The following RPP30 variants were observed in gnomAD, a reference collection of about 807,000 sequenced individuals.
RPP30 encodes the protein ribonuclease P/MRP subunit p30, also known as ribonuclease P protein subunit p30.
In RPP30, 36 loss-of-function variants were observed where a neutral mutation model predicts 38.6. The observed-to-expected ratio is 0.93, with a 90% CI of 0.71 to 1.23. The LOEUF (loss-of-function observed/expected upper bound fraction) is 1.23, where lower values mean the gene tolerates loss of function less well. Ranked by LOEUF, RPP30 falls within the 50% of genes most tolerant of loss-of-function variation. The pLI, the probability that RPP30 is intolerant of heterozygous loss-of-function variation, is 0.00. For missense variants in RPP30, 321 were observed against 321.7 expected, an observed-to-expected ratio of 1.00 and a Z score of 0.02; for synonymous variants, 126 against 112.7, an observed-to-expected ratio of 1.12 and a Z score of -0.75.
chr10:90,895,095 G>A, intron 7 of RPP30: 1 of 612,952 alleles, frequency 1.6e-6, no homozygotes, highest in South Asian at 1.6e-5. Flanking sequence ...AAAAAGATGT[G>A]TTGGAAGCCA....
In RPP30 at chr10:90,874,852, C is replaced by G; in HGVS notation, c.83-17C>G. The G allele has an allele frequency of 6.3e-7, 1 of 1,581,658 alleles. No homozygotes were observed. Among genetic ancestry groups the G allele is most frequent in the Non-Finnish European group, 8.6e-7 (1 of 1,157,134 alleles). ...GGTTGTTATATTTAACAAAAGTGTT[C>G]AATTTTTCTTTTTCAGTTGGCTATT... On this transcript the variant is annotated splice_polypyrimidine_tract_variant and intron_variant, in intron 1 of 10. Coordinates refer to ENST00000371703, the MANE Select transcript of RPP30 (RefSeq NM_006413.5).
At chr10:90,875,491 A>G in intron 2 of RPP30, 67 bp from the exon 3 acceptor site, 1 of 1,275,952 alleles carries the variant, frequency 7.8e-7, no homozygotes, top group Non-Finnish European at 1.1e-6. Flanking sequence ...ACACCTCGTA[A>G]TTTTTCCATT....
At chr10:90,903,202 TCAA>T, downstream of RPP30, 1 of 1,595,618 alleles carries the variant, frequency 6.3e-7, no homozygotes, top group East Asian at 2.2e-5. Flanking sequence ...GAACTAGAAT[TCAA>T]CAAAGACAAC....
Position 90,874,931 on chromosome 10 carries a change from T to C in RPP30, c.138+7T>C, listed in dbSNP as rs1846832266. ...CTTTAAGGAAAAGAAACAGGTAAAA[T>C]AATATTTCTAAAGTTAATAAGTTCA... On this transcript the variant is annotated splice_region_variant and intron_variant, in intron 2 of 10. Coordinates refer to ENST00000371703, the MANE Select transcript of RPP30 (RefSeq NM_006413.5). The C allele has an allele frequency of 1.5e-5, 22 of 1,501,822 alleles. No individual in the cohort carries two copies. Among genetic ancestry groups the C allele is most frequent in the Non-Finnish European group, 2.0e-5 (22 of 1,086,798 alleles). 93.0% of individuals were successfully genotyped at this position (1,501,822 alleles called of 1,614,324 possible).
chr10:90,896,016 ACTGT>A, intron 9 of RPP30, 99 bp downstream of exon 9: 1 of 919,688 alleles, frequency 1.1e-6, no homozygotes, highest in East Asian at 2.5e-5. Flanking sequence ...TCAACCTTTT[ACTGT>A]AAGTTTACCA....
At chr10:90,897,794 A>G (rs968132945) in intron 10 of RPP30, among the ~76,000 whole-genome samples, 2 of 151,860 alleles carry the variant, frequency 1.3e-5, no homozygotes, top group Admixed American at 6.6e-5. Context: ...TTTTTTTTAG[A>G]ATTTCTTTTT....
intron 5 of RPP30, among the ~76,000 whole-genome samples, chr10:90,882,889 A>T (rs1416620152): frequency 6.6e-6 from 1 of 152,154 alleles, no homozygotes; most frequent in Non-Finnish European, 1.5e-5. Flanking sequence ...GGACTGTTGT[A>T]GTGTCTTGAG....
chr10:90,878,443 A>T (rs957873187), intron 4 of RPP30, among the ~76,000 whole-genome samples: 2 of 152,086 alleles, frequency 1.3e-5, no homozygotes, highest in Non-Finnish European at 2.9e-5. Flanking sequence ...TAGTCTTTTC[A>T]TATACAGACT....
chr10:90,900,497 TA>T, intron 10 of RPP30, 72 bp from the exon 11 acceptor site: 1 of 1,449,400 alleles, frequency 6.9e-7, no homozygotes, highest in South Asian at 1.4e-5. Flanking sequence ...TAAGCCAAAG[TA>T]ATATGTTAAA....
chr10:90,875,856 A>T (rs1353221714), intron 3 of RPP30, among the ~76,000 whole-genome samples, 168 bp from the exon 4 acceptor site: 1 of 152,134 alleles, frequency 6.6e-6, no homozygotes, highest in Non-Finnish European at 1.5e-5. Context: ...AGATATATAC[A>T]TCTCTTTCTG....
rs913943062 is a variant in RPP30, at chr10:90,876,200, G to C, written c.270+102G>C. Reference sequence around the variant, plus strand: ...TCTTCCCCATTTTACATTTTCCCTCGCCCCCGCCAAACCATGACACCTGCT... The same window carrying C: ...TCTTCCCCATTTTACATTTTCCCTCCCCCCCGCCAAACCATGACACCTGCT... On this transcript the variant is annotated intron_variant, in intron 4 of 10. Coordinates refer to ENST00000371703, the MANE Select transcript of RPP30 (RefSeq NM_006413.5). The C allele has an allele frequency of 4.2e-5, 30 of 718,680 alleles. No individual in the cohort carries two copies. The East Asian group carries it at 7.3e-4, about 18-fold the overall frequency. 44.5% of individuals were successfully genotyped at this position (718,680 alleles called of 1,614,324 possible).
At chr10:90,904,803 C>T (rs1847236623), downstream of RPP30, among the ~76,000 whole-genome samples, 1 of 151,962 alleles carries the variant, frequency 6.6e-6, no homozygotes, top group South Asian at 2.1e-4. Flanking sequence ...CAGAATGAGA[C>T]TCTGTCTAAA....
At chr10:90,883,894 A>G (rs757394637) in intron 5 of RPP30, among the ~76,000 whole-genome samples, 2 of 152,128 alleles carry the variant, frequency 1.3e-5, no homozygotes, top group Non-Finnish European at 2.9e-5. Context: ...CACTAGTAAT[A>G]GTTTTTGTGT....
Position 90,897,310 on chromosome 10 carries a change from A to G in RPP30, c.697+918A>G, listed in dbSNP as rs183067073. Among the ~76,000 whole-genome samples, 3 of 152,360 alleles carry G rather than the reference A, an allele frequency of 2.0e-5. No individual in the cohort carries two copies. In the East Asian group the frequency reaches 5.8e-4, roughly 29 times the overall value. ...TTTAAACTTCAAAGTAGATTGCTACATATAGACTGAGTTATTTGTCATATG... is the reference window on the plus strand; with the variant it reads ...TTTAAACTTCAAAGTAGATTGCTACGTATAGACTGAGTTATTTGTCATATG... On this transcript the variant is annotated intron_variant, in intron 10 of 10. Transcript: ENST00000371703.
At chr10:90,875,430 C>T (rs1257236217) in intron 2 of RPP30, 128 bp from the exon 3 acceptor site, 2 of 701,924 alleles carry the variant, frequency 2.8e-6, no homozygotes, top group Non-Finnish European at 4.8e-6. Context: ...TTTTTGAATA[C>T]CAGAAATCAC....
downstream of RPP30, among the ~76,000 whole-genome samples, chr10:90,907,037 C>G (rs1847261372): frequency 6.6e-6 from 1 of 152,216 alleles, no homozygotes; most frequent in Non-Finnish European, 1.5e-5. Context: ...CATATTGTCT[C>G]TCATGCCCTC....
Position 90,900,889 on chromosome 10 carries a change from G to C in RPP30, c.*210G>C. 7.7e-7 allele frequency: 1 copy of C among 1,292,674 alleles called. No homozygotes were observed. The highest frequency in any genetic ancestry group is 3.8e-5 in the Admixed American group (1 of 26,282). The allele number at this position is 1,292,674 out of a possible 1,614,324, so 80.1% of individuals were successfully genotyped here. A position where few individuals can be genotyped will look rare whatever the true frequency, so the allele number is the denominator to read the frequency against. ...AAAGGCTGCCAGCTTAATGAATTTAGATGTACTTTAAGAGAGAAAGACTGG... is the reference window on the plus strand; with the variant it reads ...AAAGGCTGCCAGCTTAATGAATTTACATGTACTTTAAGAGAGAAAGACTGG... On this transcript the variant is annotated 3_prime_UTR_variant, in exon 11 of 11. Transcript: ENST00000371703.
chr10:90,902,248 C>CAAA, downstream of RPP30: 2 of 580,296 alleles, frequency 3.4e-6, no homozygotes, highest in Non-Finnish European at 4.6e-6. Flanking sequence ...GACAGGGTCT[C>CAAA]ACTCTGTCAC....
intron 5 of RPP30, among the ~76,000 whole-genome samples, chr10:90,885,123 G>C (rs556353108): frequency 6.6e-6 from 1 of 152,014 alleles, no homozygotes; most frequent in Admixed American, 6.6e-5. Flanking sequence ...TTCATAAACA[G>C]TTTCAAATCT....
Sources: gnomAD v4.1 joint callset for allele counts (sites outside exome capture counted in the v4.1 genomes callset) on GRCh38, gnomAD v4.1.1 for gene constraint, MANE v1.5 for transcripts, NCBI Gene and HGNC (gene_info 2026-07-23, HGNC 2026-07-21) for gene names.